The following SLC44A1 variants were observed in gnomAD, a reference collection of about 807,000 sequenced individuals.
SLC44A1 encodes the protein solute carrier family 44 member 1, also known as choline transporter-like protein 1.
A neutral mutation model predicts 79.3 loss-of-function variants in SLC44A1; 26 were observed. That is an observed-to-expected ratio of 0.33 (90% confidence interval 0.24 to 0.46). The LOEUF (loss-of-function observed/expected upper bound fraction) is 0.46, where lower values mean the gene tolerates loss of function less well. Among genes scored for constraint, SLC44A1 ranks in the 20% least tolerant of loss-of-function variants. SLC44A1 has a pLI of 1.00. For synonymous variants in SLC44A1, 263 were observed against 286.2 expected (o/e 0.92, Z 0.82); for missense variants, 688 against 798.1 (o/e 0.86, Z 1.66).
At chr9:105,307,307 C>T (rs1166746948) in intron 2 of SLC44A1, among the ~76,000 whole-genome samples, 1 of 152,142 alleles carries the variant, frequency 6.6e-6, no homozygotes, top group African/African-American at 2.4e-5. Context: ...TTACTGAATA[C>T]GAAGTCCATT....
intron 1 of SLC44A1, among the ~76,000 whole-genome samples, chr9:105,285,037 A>G (rs1830442638): frequency 6.6e-6 from 1 of 152,152 alleles, no homozygotes; most frequent in Non-Finnish European, 1.5e-5. Context: ...GGTTTCTTTC[A>G]CTTAGAATGT....
chr9:105,367,568 G>T (rs954253173), intron 12 of SLC44A1, among the ~76,000 whole-genome samples: 2 of 152,078 alleles, frequency 1.3e-5, no homozygotes, highest in Non-Finnish European at 2.9e-5. Flanking sequence ...GATCATAATT[G>T]CATTTTTATA....
chr9:105,409,702 G>A (rs1240427896), intron 15 of SLC44A1, among the ~76,000 whole-genome samples: 2 of 152,112 alleles, frequency 1.3e-5, no homozygotes, highest in East Asian at 3.8e-4. Context: ...TCTAATAAGA[G>A]AATCCACAGT....
rs116694606 is a variant in SLC44A1 at position 105,342,314 on chromosome 9, G to T, written c.407-6044G>T. On this transcript the variant is annotated intron_variant, in intron 4 of 15. Transcript: ENST00000374720. ...CCACCCAGATACAGATCATCCCTTT[G>T]TCCAGCATATCCACACTGTGTATGC... Among the ~76,000 whole-genome samples, 1,003 of 152,160 alleles carry T rather than the reference G, an allele frequency of 6.6e-3. 10 individuals carry two copies. The highest frequency in any genetic ancestry group is 0.024 in the African/African-American group (977 of 41,484).
At chr9:105,306,567 T>C (rs934568242) in intron 2 of SLC44A1, among the ~76,000 whole-genome samples, 1 of 118,824 alleles carries the variant, frequency 8.4e-6, no homozygotes, top group South Asian at 3.4e-4. Context: ...CCCCCACCCC[T>C]GGCAGCTTCC....
intron 15 of SLC44A1, among the ~76,000 whole-genome samples, chr9:105,413,991 A>T (rs1228838367): frequency 1.6e-5 from 2 of 124,882 alleles, no homozygotes; most frequent in Non-Finnish European, 3.3e-5. Flanking sequence ...TCAGAAAGTT[A>T]AAAAAAAAAA....
At chr9:105,434,332 C>T (rs1249724775) in intron 15 of SLC44A1, among the ~76,000 whole-genome samples, 1 of 151,144 alleles carries the variant, frequency 6.6e-6, no homozygotes, top group Non-Finnish European at 1.5e-5. Context: ...CAGAGCGAGA[C>T]TCCATCTCAA....
chr9:105,326,594 G>A (rs1387145282), intron 3 of SLC44A1, among the ~76,000 whole-genome samples: 1 of 152,108 alleles, frequency 6.6e-6, no homozygotes, highest in Admixed American at 6.6e-5. Flanking sequence ...TCGTCATCTT[G>A]CTTTTTACTC....
chr9:105,309,938 G>A, intron 3 of SLC44A1, 72 bp downstream of exon 3: 1 of 1,477,678 alleles, frequency 6.8e-7, no homozygotes, highest in Non-Finnish European at 9.2e-7. Context: ...TGCTGTTCTT[G>A]CTGTTTTAAA....
At chr9:105,340,740 T>TA (rs1181760626) in intron 4 of SLC44A1, among the ~76,000 whole-genome samples, 2 of 152,228 alleles carry the variant, frequency 1.3e-5, no homozygotes, top group African/African-American at 2.4e-5. Context: ...TTTTAGCACT[T>TA]ACAACCATCC....
At chr9:105,346,228 G>C (rs1564449551) in intron 4 of SLC44A1, among the ~76,000 whole-genome samples, 2 of 151,986 alleles carry the variant, frequency 1.3e-5, no homozygotes, top group African/African-American at 2.4e-5. Flanking sequence ...TTTAGTACAG[G>C]ATCTATTTAG....
intron 15 of SLC44A1, among the ~76,000 whole-genome samples, chr9:105,428,536 G>A (rs915459933): frequency 3.2e-4 from 49 of 152,188 alleles, no homozygotes; most frequent in Admixed American, 2.8e-3. Flanking sequence ...AAGTTACTTA[G>A]CCCATCTAAT....
intron 5 of SLC44A1, among the ~76,000 whole-genome samples, chr9:105,355,055 A>G (rs1345416088): frequency 1.3e-5 from 2 of 152,340 alleles, no homozygotes; most frequent in East Asian, 1.9e-4. Context: ...TTTCATGGAT[A>G]CCATTTAAAA....
downstream of SLC44A1, among the ~76,000 whole-genome samples, chr9:105,399,509 G>A (rs538733616): frequency 2.2e-5 from 2 of 90,056 alleles, no homozygotes; most frequent in East Asian, 3.9e-4. Context: ...CACAAGTTGT[G>A]TAATAAGCAA....
rs1266815810 is a variant in SLC44A1, at chr9:105,348,444, C to A, written c.493C>A (p.Pro165Thr). The change falls in exon 5 of 16, where the codon CCA (proline) becomes ACA (threonine). Residue 165 changes from proline to threonine, a missense_variant. By Grantham distance (38) the Pro-to-Thr change is conservative (BLOSUM62 -1). Coordinates refer to ENST00000374720, the MANE Select transcript of SLC44A1 (RefSeq NM_080546.5). ...TGTTCTCTGCCCCAAACTACCAGTT[C>A]CAGCGAGGTAAATTTTATTGCAAAG... ...SSVLCPKLPV[P>T]ASAPIPFFHR... is the part of the protein sequence containing the mutation. 6.3e-7 allele frequency: 1 copy of A among 1,595,502 alleles called. No homozygotes were observed.
chr9:105,296,051 G>T (rs1830713880), intron 1 of SLC44A1, among the ~76,000 whole-genome samples: 1 of 152,138 alleles, frequency 6.6e-6, no homozygotes, highest in Non-Finnish European at 1.5e-5. Context: ...CCTTTTTAGT[G>T]GGAAGGTCCA....
At chr9:105,437,414 G>C (rs767867582) in intron 15 of SLC44A1, among the ~76,000 whole-genome samples, 9 of 151,678 alleles carry the variant, frequency 5.9e-5, no homozygotes, top group Non-Finnish European at 8.8e-5. Flanking sequence ...TAGTTGTCTA[G>C]ATAAGTATCT....
chr9:105,335,740 G>C, intron 4 of SLC44A1, 41 bp downstream of exon 4: 1 of 1,564,698 alleles, frequency 6.4e-7, no homozygotes, highest in Non-Finnish European at 8.7e-7. Flanking sequence ...CTGTCACCTT[G>C]TTCTCTTTGT....
chr9:105,267,025 G>C (rs1001628927), intron 1 of SLC44A1, among the ~76,000 whole-genome samples: 1 of 151,608 alleles, frequency 6.6e-6, no homozygotes, highest in Admixed American at 6.6e-5. Context: ...TATTTTTCTT[G>C]GTTTATTCCC....
Sources: allele counts gnomAD v4.1 joint callset (sites outside exome capture counted in the v4.1 genomes callset), GRCh38; gene constraint gnomAD v4.1.1; transcripts MANE v1.5; gene names NCBI Gene and HGNC (gene_info 2026-07-23, HGNC 2026-07-21).